Variants in TNFSF4 observed in about 807,000 individuals in gnomAD.
The protein encoded by TNFSF4 is TNF superfamily member 4, also known as tumor necrosis factor ligand superfamily member 4.
TNFSF4 carries 4 observed loss-of-function variants against 7.3 expected under a neutral mutation model. That is an observed-to-expected ratio of 0.55 (90% confidence interval 0.27 to 1.25). TNFSF4 has a LOEUF of 1.25. Among genes scored for constraint, TNFSF4 ranks in the 50% most tolerant of loss-of-function variants. The pLI, the probability that TNFSF4 is intolerant of heterozygous loss-of-function variation, is 0.12. For synonymous variants in TNFSF4, 76 were observed against 83.7 expected, an observed-to-expected ratio of 0.91 and a Z score of 0.50; for missense variants, 181 against 208.8, an observed-to-expected ratio of 0.87 and a Z score of 0.82.
chr1:173,313,045 C>A, the TNFSF4 span, among the ~76,000 whole-genome samples: 17 of 152,228 alleles, frequency 1.1e-4, no homozygotes, highest in Non-Finnish European at 2.1e-4. Flanking sequence ...TTCTCTCAAT[C>A]TCCCCAAAGG....
At chr1:173,390,459 T>C in the TNFSF4 span, among the ~76,000 whole-genome samples, 1 of 152,202 alleles carries the variant, frequency 6.6e-6, no homozygotes, top group Non-Finnish European at 1.5e-5. Context: ...CAACTATGCA[T>C]TGAAAAGAAT....
the TNFSF4 span, among the ~76,000 whole-genome samples, chr1:173,409,874 G>T: frequency 6.6e-6 from 1 of 152,152 alleles, no homozygotes; most frequent in Non-Finnish European, 1.5e-5. Flanking sequence ...TGAGTGCACG[G>T]GTGTAAGTCC....
chr1:173,205,719 G>T, intron 1 of TNFSF4: 2 of 405,054 alleles, frequency 4.9e-6, no homozygotes, highest in Non-Finnish European at 6.7e-6. Flanking sequence ...TGGGCATCCG[G>T]TCGATGTCTT....
At chr1:173,368,664 G>A in the TNFSF4 span, among the ~76,000 whole-genome samples, 1 of 152,132 alleles carries the variant, frequency 6.6e-6, no homozygotes, top group Non-Finnish European at 1.5e-5. Context: ...TGAGCCAAGG[G>A]TCAACAGAGA....
the TNFSF4 span, among the ~76,000 whole-genome samples, chr1:173,385,305 T>C: frequency 7.2e-5 from 11 of 152,154 alleles, no homozygotes; most frequent in Non-Finnish European, 1.6e-4. Flanking sequence ...CAAGGGCAAA[T>C]ACTGCCTTCT....
At chr1:173,239,357 T>C in the TNFSF4 span, among the ~76,000 whole-genome samples, 83 of 152,304 alleles carry the variant, frequency 5.4e-4, no homozygotes, top group Middle Eastern at 0.014. Flanking sequence ...ATTTGGGTTT[T>C]GCTCTCTCAG....
At chr1:173,178,463 A>T in the TNFSF4 span, among the ~76,000 whole-genome samples, 1 of 152,114 alleles carries the variant, frequency 6.6e-6, no homozygotes, top group African/African-American at 2.4e-5. Flanking sequence ...AGTCCCAGCT[A>T]CTGGGGAGGC....
the TNFSF4 span, among the ~76,000 whole-genome samples, chr1:173,221,428 T>A: frequency 1.3e-5 from 2 of 152,186 alleles, no homozygotes; most frequent in Non-Finnish European, 2.9e-5. Flanking sequence ...AGATGTAAAG[T>A]GCCTTGACTT....
chr1:173,284,003 C>A, the TNFSF4 span, among the ~76,000 whole-genome samples: 1 of 150,022 alleles, frequency 6.7e-6, no homozygotes, highest in Non-Finnish European at 1.5e-5. Flanking sequence ...GATAAGAAAG[C>A]AAAATAGCCT....
the TNFSF4 span, among the ~76,000 whole-genome samples, chr1:173,336,329 G>C: frequency 6.6e-6 from 1 of 152,206 alleles, no homozygotes; most frequent in Non-Finnish European, 1.5e-5. Context: ...GCAAAAGACA[G>C]GTGGATCTCA....
downstream of TNFSF4, among the ~76,000 whole-genome samples, chr1:173,179,311 G>A (rs1649009904): frequency 6.6e-6 from 1 of 152,172 alleles, no homozygotes; most frequent in Non-Finnish European, 1.5e-5. Flanking sequence ...GGCATGAGTT[G>A]CACAGCACCT....
chr1:173,250,503 G>A, the TNFSF4 span, among the ~76,000 whole-genome samples: 4 of 147,094 alleles, frequency 2.7e-5, no homozygotes, highest in Admixed American at 1.4e-4. Context: ...TCTGTCACCC[G>A]GGCTGGAGTG....
At chr1:173,325,067 T>A in the TNFSF4 span, among the ~76,000 whole-genome samples, 2 of 152,160 alleles carry the variant, frequency 1.3e-5, no homozygotes, top group African/African-American at 4.8e-5. Context: ...ATACATTCTT[T>A]TCAGCACCAC....
the TNFSF4 span, among the ~76,000 whole-genome samples, chr1:173,426,715 C>G: frequency 5.9e-5 from 9 of 152,232 alleles, no homozygotes; most frequent in African/African-American, 2.2e-4. Flanking sequence ...CCACCTCGGC[C>G]CCGAGTAGCT....
At chr1:173,200,963 G>A (rs1205548225) in intron 1 of TNFSF4, among the ~76,000 whole-genome samples, 2 of 152,166 alleles carry the variant, frequency 1.3e-5, no homozygotes, top group Non-Finnish European at 2.9e-5. Flanking sequence ...AAAAATTAAG[G>A]TGCATTTCAG....
chr1:173,331,469 G>C, the TNFSF4 span, among the ~76,000 whole-genome samples: 2 of 152,132 alleles, frequency 1.3e-5, no homozygotes, highest in Admixed American at 6.5e-5. Flanking sequence ...AATAAAACTA[G>C]ACACTTCAGA....
At chr1:173,229,457 A>T in the TNFSF4 span, among the ~76,000 whole-genome samples, 1 of 152,240 alleles carries the variant, frequency 6.6e-6, no homozygotes, top group East Asian at 1.9e-4. Flanking sequence ...AGGAACAACC[A>T]GTACCAGACA....
chr1:173,402,246 T>C, the TNFSF4 span, among the ~76,000 whole-genome samples: 1 of 152,184 alleles, frequency 6.6e-6, no homozygotes, highest in Non-Finnish European at 1.5e-5. Context: ...GAAATAATAA[T>C]ACCTGTACTT....
chr1:173,448,482 C>T, the TNFSF4 span, among the ~76,000 whole-genome samples: 1 of 152,136 alleles, frequency 6.6e-6, no homozygotes, highest in African/African-American at 2.4e-5. Flanking sequence ...TTTTAACCAC[C>T]TGGGTGCAGG....
Sources: gnomAD v4.1 joint callset for allele counts (sites outside exome capture counted in the v4.1 genomes callset) on GRCh38, gnomAD v4.1.1 for gene constraint, MANE v1.5 for transcripts, NCBI Gene and HGNC (gene_info 2026-07-23, HGNC 2026-07-21) for gene names.